The following ATP6V0E1 variants were observed in gnomAD, a reference collection of about 807,000 sequenced individuals.
ATP6V0E1 encodes V-type proton ATPase subunit e 1.
A neutral mutation model predicts 11.6 loss-of-function variants in ATP6V0E1; 4 were observed. The observed-to-expected ratio is 0.35, with a 90% CI of 0.17 to 0.79. The LOEUF (loss-of-function observed/expected upper bound fraction) is 0.79. Ranked by LOEUF, ATP6V0E1 falls within the 30% of genes least tolerant of loss-of-function variation. The pLI, the probability that ATP6V0E1 is intolerant of heterozygous loss-of-function variation, is 0.54. For missense variants in ATP6V0E1, 105 were observed against 100.0 expected, an observed-to-expected ratio of 1.05 and a Z score of -0.21; for synonymous variants, 36 against 34.8, an observed-to-expected ratio of 1.04 and a Z score of -0.13.
chr5:172,987,718 T>A (rs1755918084), intron 1 of ATP6V0E1, among the ~76,000 whole-genome samples: 1 of 121,198 alleles, frequency 8.3e-6, no homozygotes, highest in Admixed American at 7.6e-5. Flanking sequence ...AGCTATATAA[T>A]TTTTTTTTTT....
intron 3 of ATP6V0E1, among the ~76,000 whole-genome samples, chr5:173,021,670 A>G (rs1366376686): frequency 6.6e-6 from 1 of 152,118 alleles, no homozygotes; most frequent in Middle Eastern, 3.2e-3. Flanking sequence ...ACCTCCCACC[A>G]GGCCCCACCT....
Position 172,983,840 on chromosome 5 carries a change from G to T in ATP6V0E1, c.-21G>T. ...ATCCGAGTGAGGCGACGGGGTAGGG[G>T]TTGGCGCTCAGGCGGCGACCATGGC... On this transcript the variant is annotated 5_prime_UTR_variant, in exon 1 of 4. Coordinates refer to ENST00000519374, the MANE Select transcript of ATP6V0E1 (RefSeq NM_003945.4). 1.9e-6 allele frequency: 3 copies of T among 1,611,438 alleles called. No homozygotes were observed. Among genetic ancestry groups the T allele is most frequent in the South Asian group, 1.1e-5 (1 of 91,022 alleles).
chr5:173,010,923 G>T (rs1315700605), intron 2 of ATP6V0E1, among the ~76,000 whole-genome samples: 3 of 152,234 alleles, frequency 2.0e-5, no homozygotes, highest in African/African-American at 7.2e-5. Context: ...CATAGTTTAT[G>T]CTGGGAGAGT....
At chr5:173,002,912 CA>C (rs1756180303) in intron 2 of ATP6V0E1, among the ~76,000 whole-genome samples, 1 of 151,788 alleles carries the variant, frequency 6.6e-6, no homozygotes, top group Non-Finnish European at 1.5e-5. Context: ...TAGCCGGGGA[CA>C]GGGGTATCCC....
rs564495625 is a variant in ATP6V0E1 at position 173,031,419 on chromosome 5, C to CTT, written c.*37-2964_*37-2963dup. On this transcript the variant is annotated intron_variant, in intron 3 of 3. Coordinates refer to ENST00000519374, the MANE Select transcript of ATP6V0E1 (RefSeq NM_003945.4). ...TTTATCTGATGGTAACCTTATGACT[C>CTT]TTTTTTTTTTTTTTTTTGAGACGTG... is the stretch of plus-strand genomic sequence containing the variant. Among the ~76,000 whole-genome samples the CTT allele has an allele frequency of 7.7e-3, 997 of 129,070 alleles. 17 individuals carry two copies. The highest frequency in any genetic ancestry group is 0.023 in the East Asian group (104 of 4,446). 84.7% of individuals were successfully genotyped at this position (129,070 alleles called of 152,430 possible). A position where few individuals can be genotyped will look rare whatever the true frequency, so the allele number is the denominator to read the frequency against.
chr5:173,030,629 C>T (rs973620101), intron 3 of ATP6V0E1, among the ~76,000 whole-genome samples: 4 of 150,876 alleles, frequency 2.7e-5, no homozygotes, highest in East Asian at 2.0e-4. Context: ...TTAGTAGAGA[C>T]GGGGTTTCAC....
intron 3 of ATP6V0E1, among the ~76,000 whole-genome samples, chr5:173,023,933 C>A (rs945094862): frequency 6.6e-6 from 1 of 152,008 alleles, no homozygotes; most frequent in Non-Finnish European, 1.5e-5. Flanking sequence ...CACGGTGGCT[C>A]ACCCCTCTAA....
intron 1 of ATP6V0E1, among the ~76,000 whole-genome samples, chr5:172,986,255 AAATT>A (rs1755895654): frequency 6.6e-6 from 1 of 152,242 alleles, no homozygotes; most frequent in South Asian, 2.1e-4. Context: ...CTTCAAAAAT[AAATT>A]AACCTTAGCT....
chr5:173,015,659 G>A (rs1298177276), intron 2 of ATP6V0E1, among the ~76,000 whole-genome samples: 1 of 152,316 alleles, frequency 6.6e-6, no homozygotes, highest in South Asian at 2.1e-4. Context: ...TTCCCAGGAA[G>A]AGCATGAGAA....
intron 2 of ATP6V0E1, among the ~76,000 whole-genome samples, chr5:173,014,085 C>T (rs1013971428): frequency 4.7e-5 from 7 of 149,424 alleles, no homozygotes; most frequent in African/African-American, 7.4e-5. Flanking sequence ...CACTTCAACC[C>T]GGGAGGTAGA....
rs112479209 is a variant in ATP6V0E1, at chr5:173,016,833, A to G, written c.153-3405A>G. 8.6e-3 allele frequency among the ~76,000 whole-genome samples: 1,317 copies of G among 152,274 alleles called. 19 individuals are homozygous for G. The highest frequency in any genetic ancestry group is 0.03 in the African/African-American group (1,256 of 41,536). On this transcript the variant is annotated intron_variant, in intron 2 of 3. Coordinates refer to ENST00000519374, the MANE Select transcript of ATP6V0E1 (RefSeq NM_003945.4). ...ATGGATGATGTTGAACCTCAACTACAAGTCTTAGTATTGTGTTTGTGTTTA... is the reference window on the plus strand; with the variant it reads ...ATGGATGATGTTGAACCTCAACTACGAGTCTTAGTATTGTGTTTGTGTTTA...
chr5:173,017,458 C>T (rs950683430), intron 2 of ATP6V0E1, among the ~76,000 whole-genome samples: 6 of 150,014 alleles, frequency 4.0e-5, no homozygotes, highest in South Asian at 2.2e-4. Context: ...CGCTTGAACC[C>T]GGGAGGCAGA....
intron 3 of ATP6V0E1, among the ~76,000 whole-genome samples, chr5:173,024,897 C>T (rs1346433567): frequency 3.5e-5 from 5 of 141,750 alleles, no homozygotes; most frequent in Admixed American, 7.5e-5. Flanking sequence ...GGCTGGAGTG[C>T]GGTGGCGTGA....
intron 2 of ATP6V0E1, among the ~76,000 whole-genome samples, chr5:173,011,175 CT>C (rs754605378): frequency 0.022 from 2,541 of 114,530 alleles, 15 homozygotes; most frequent in African/African-American, 0.053. Context: ...CCTGATTTAT[CT>C]TTTTTTTTTT....
chr5:172,992,123 T>A (rs1028262360), intron 1 of ATP6V0E1, among the ~76,000 whole-genome samples: 7 of 152,228 alleles, frequency 4.6e-5, no homozygotes, highest in Admixed American at 2.0e-4. Context: ...CGATCTCGGC[T>A]CACTGCAAGC....
chr5:173,014,996 A>T (rs547864578), intron 2 of ATP6V0E1, among the ~76,000 whole-genome samples: 1 of 152,206 alleles, frequency 6.6e-6, no homozygotes, highest in Non-Finnish European at 1.5e-5. Context: ...TTTCTTCTGG[A>T]TATTCTTTAG....
At chr5:172,984,779 A>G (rs1196030237) in intron 1 of ATP6V0E1, among the ~76,000 whole-genome samples, 1 of 152,170 alleles carries the variant, frequency 6.6e-6, no homozygotes, top group Non-Finnish European at 1.5e-5. Context: ...TCAGTTCAAG[A>G]TGATGAGAGG....
In ATP6V0E1 at chr5:173,030,971, G is replaced by A. The variant is rs574783987; in HGVS notation, c.*37-3428G>A. The stretch of plus-strand genomic sequence containing the variant: ...TATTTATTTATTTATTTGAGACGGA[G>A]TCTTGCTCTGTCGCCCAGACTGGAG... On this transcript the variant is annotated intron_variant, in intron 3 of 3. Transcript: ENST00000519374. 1.2e-3 allele frequency among the ~76,000 whole-genome samples: 172 copies of A among 148,548 alleles called. 2 individuals carry two copies. Among genetic ancestry groups the A allele is most frequent in the Non-Finnish European group, 2.0e-3 (134 of 67,358 alleles).
chr5:173,008,445 TGC>T, intron 2 of ATP6V0E1, among the ~76,000 whole-genome samples: 1 of 150,554 alleles, frequency 6.6e-6, no homozygotes, highest in Non-Finnish European at 1.5e-5. Context: ...GGACTACAGG[TGC>T]GTGCCACACT....
Sources: allele counts gnomAD v4.1 joint callset (sites outside exome capture counted in the v4.1 genomes callset), GRCh38; gene constraint gnomAD v4.1.1; transcripts MANE v1.5; gene names NCBI Gene and HGNC (gene_info 2026-07-23, HGNC 2026-07-21).